Variants in MEIKIN observed in about 807,000 individuals in gnomAD.
MEIKIN encodes the protein meiotic kinetochore factor, also known as meiosis-specific kinetochore protein.
chr5:131,857,469 T>G (rs1210024649), intron 9 of MEIKIN, among the ~76,000 whole-genome samples: 1 of 152,144 alleles, frequency 6.6e-6, no homozygotes, highest in African/African-American at 2.4e-5. Flanking sequence ...AGGGCAGTCT[T>G]GTCCATGAGA....
chr5:131,881,982 A>G (rs1470741350), intron 8 of MEIKIN, among the ~76,000 whole-genome samples: 2 of 152,302 alleles, frequency 1.3e-5, no homozygotes, highest in East Asian at 3.9e-4. Flanking sequence ...CCATTCTCCC[A>G]ACTTGGTCTG....
chr5:131,889,386 T>C (rs1214045850), intron 8 of MEIKIN, among the ~76,000 whole-genome samples: 2 of 152,198 alleles, frequency 1.3e-5, no homozygotes, highest in African/African-American at 2.4e-5. Flanking sequence ...GTTTATTTCA[T>C]TGAGCAGTGG....
At chr5:131,929,733 G>A (rs1264043230) in intron 5 of MEIKIN, among the ~76,000 whole-genome samples, 1 of 152,034 alleles carries the variant, frequency 6.6e-6, no homozygotes, top group African/African-American at 2.4e-5. Context: ...TCCCTTCTTT[G>A]TGTCCATGTG....
intron 11 of MEIKIN, 98 bp downstream of exon 11, chr5:131,851,166 A>C (rs768689332): frequency 2.6e-6 from 1 of 391,248 alleles, no homozygotes; most frequent in Non-Finnish European, 4.5e-6. Context: ...TATGTTTCTC[A>C]TGAGTTAAGA....
chr5:131,853,736 C>T (rs1750150684), intron 10 of MEIKIN, among the ~76,000 whole-genome samples: 1 of 152,096 alleles, frequency 6.6e-6, no homozygotes, highest in Non-Finnish European at 1.5e-5. Flanking sequence ...CTAATTAACA[C>T]ATTAAAAGAT....
intron 8 of MEIKIN, among the ~76,000 whole-genome samples, chr5:131,894,212 T>C (rs939597185): frequency 6.6e-6 from 1 of 152,206 alleles, no homozygotes; most frequent in African/African-American, 2.4e-5. Flanking sequence ...CGGTTGTAGA[T>C]GTGTGGTGTT....
chr5:131,846,465 G>T (rs530445119), intron 11 of MEIKIN, among the ~76,000 whole-genome samples: 2 of 152,132 alleles, frequency 1.3e-5, no homozygotes, highest in Admixed American at 6.5e-5. Context: ...ATAATTATTG[G>T]TATAAGAGCT....
At chr5:131,903,745 C>T (rs771063049) in intron 8 of MEIKIN, among the ~76,000 whole-genome samples, 1 of 151,956 alleles carries the variant, frequency 6.6e-6, no homozygotes, top group Non-Finnish European at 1.5e-5. Flanking sequence ...TGCATAATAA[C>T]CAACTAACAA....
chr5:131,912,161 C>A (rs1751343571), intron 7 of MEIKIN, among the ~76,000 whole-genome samples: 1 of 152,056 alleles, frequency 6.6e-6, no homozygotes, highest in African/African-American at 2.4e-5. Context: ...TTCCACTACT[C>A]ACACTTGGGT....
At chr5:131,878,620 A>C (rs1398865134) in intron 9 of MEIKIN, among the ~76,000 whole-genome samples, 1 of 152,158 alleles carries the variant, frequency 6.6e-6, no homozygotes, top group Non-Finnish European at 1.5e-5. Flanking sequence ...CTGTAATTCC[A>C]GGACTTTGGG....
At chr5:131,915,657 G>C (rs1179990246) in intron 7 of MEIKIN, among the ~76,000 whole-genome samples, 1 of 152,184 alleles carries the variant, frequency 6.6e-6, no homozygotes, top group Non-Finnish European at 1.5e-5. Flanking sequence ...ATGGAATGGG[G>C]AGAAAATCCG....
chr5:131,926,675 T>C (rs1180497228), intron 5 of MEIKIN, among the ~76,000 whole-genome samples: 2 of 152,218 alleles, frequency 1.3e-5, no homozygotes, highest in Non-Finnish European at 2.9e-5. Flanking sequence ...TTTTCTTTGT[T>C]GGAAGGTTTT....
rs1225367667 is a variant in MEIKIN, at chr5:131,933,952, AT to A, written c.350-312del. The stretch of plus-strand genomic sequence containing the variant: ...CTTGGCTCAAAAATTTAATTTTTTA[AT>A]TTTTTTTTTTGAGACCGAGTCTCAC... On this transcript the variant is annotated intron_variant, in intron 4 of 12. Coordinates refer to ENST00000442687, the MANE Select transcript of MEIKIN (RefSeq NM_001303622.2). Among the ~76,000 whole-genome samples the A allele has an allele frequency of 6.8e-3, 1,006 of 147,852 alleles. 5 individuals are homozygous for A. Among genetic ancestry groups the A allele is most frequent in the Non-Finnish European group, 0.011 (736 of 66,584 alleles).
At chr5:131,848,377 A>G (rs190813700) in intron 11 of MEIKIN, among the ~76,000 whole-genome samples, 1 of 152,330 alleles carries the variant, frequency 6.6e-6, no homozygotes, top group African/African-American at 2.4e-5. Flanking sequence ...AGAGAATTAC[A>G]AAGAGAGTAT....
intron 9 of MEIKIN, among the ~76,000 whole-genome samples, chr5:131,868,084 G>A (rs970569076): frequency 3.9e-5 from 6 of 151,986 alleles, no homozygotes; most frequent in South Asian, 2.1e-4. Context: ...ATAATAACTC[G>A]CTGTTGCTGT....
chr5:131,941,477 A>C (rs191086232), intron 4 of MEIKIN, among the ~76,000 whole-genome samples: 1 of 152,116 alleles, frequency 6.6e-6, no homozygotes, highest in African/African-American at 2.4e-5. Flanking sequence ...CTTCTATTAC[A>C]GTCTTTTGCT....
chr5:131,835,039 G>T (rs748882185), intron 11 of MEIKIN, among the ~76,000 whole-genome samples: 24 of 152,000 alleles, frequency 1.6e-4, no homozygotes, highest in Non-Finnish European at 2.9e-5. Flanking sequence ...GAATTTCCCT[G>T]ATTAGTGATG....
At chr5:131,924,447 A>C (rs1580909556) in intron 5 of MEIKIN, among the ~76,000 whole-genome samples, 1 of 152,152 alleles carries the variant, frequency 6.6e-6, no homozygotes. Context: ...AACAGTGTAC[A>C]AGGGTTCTAA....
intron 11 of MEIKIN, among the ~76,000 whole-genome samples, chr5:131,834,648 CTTCTT>C (rs1173595818): frequency 6.6e-6 from 1 of 152,136 alleles, no homozygotes; most frequent in African/African-American, 2.4e-5. Context: ...TGTCACCTTT[CTTCTT>C]TTCTAATAGC....
Sources: allele counts gnomAD v4.1 joint callset (sites outside exome capture counted in the v4.1 genomes callset), GRCh38; gene constraint gnomAD v4.1.1; transcripts MANE v1.5; gene names NCBI Gene and HGNC (gene_info 2026-07-23, HGNC 2026-07-21).